The following ARHGAP29 variants were observed in gnomAD, a reference collection of about 807,000 sequenced individuals.
ARHGAP29 encodes Rho GTPase activating protein 29.
In ARHGAP29, 43 loss-of-function variants were observed where a neutral mutation model predicts 122.6. The observed-to-expected ratio is 0.35, with a 90% CI of 0.27 to 0.45. The LOEUF (loss-of-function observed/expected upper bound fraction) is 0.45, where lower values mean the gene tolerates loss of function less well. Among genes scored for constraint, ARHGAP29 ranks in the 20% least tolerant of loss-of-function variants. The pLI is 1.00. For synonymous variants in ARHGAP29, 506 were observed against 497.1 expected, an observed-to-expected ratio of 1.02 and a Z score of -0.24; for missense variants, 1,303 against 1,477.2, an observed-to-expected ratio of 0.88 and a Z score of 1.93.
chr1:94,196,271 T>C (rs1570517794), intron 12 of ARHGAP29, among the ~76,000 whole-genome samples: 1 of 141,532 alleles, frequency 7.1e-6, no homozygotes, highest in African/African-American at 2.6e-5. Context: ...TTTTTTTTTT[T>C]TTTTTTTTGA....
chr1:94,232,897 G>A (rs1368706597), intron 1 of ARHGAP29, among the ~76,000 whole-genome samples: 1 of 151,052 alleles, frequency 6.6e-6, no homozygotes, highest in Non-Finnish European at 1.5e-5. Flanking sequence ...AGATGACTAA[G>A]GACTTCTATA....
chr1:94,312,308 T>G, the ARHGAP29 span, among the ~76,000 whole-genome samples: 1 of 152,106 alleles, frequency 6.6e-6, no homozygotes, highest in East Asian at 1.9e-4. Context: ...CCTATTAGCA[T>G]TGTACAAATC....
At chr1:94,176,474 G>C (rs1240013555) in intron 22 of ARHGAP29, 1 of 152,168 alleles carries the variant, frequency 6.6e-6, no homozygotes, top group Non-Finnish European at 1.5e-5. Context: ...TCTTTCAGAC[G>C]GTTAGTTATG....
chr1:94,270,472 G>A (rs975612173), intron 1 of ARHGAP29, among the ~76,000 whole-genome samples: 17 of 152,158 alleles, frequency 1.1e-4, no homozygotes, highest in South Asian at 2.1e-4. Flanking sequence ...TTATTTTGGC[G>A]CTGCCATATC....
At position 94,231,559 on chromosome 1, in the gene ARHGAP29, C is replaced by T. The variant is rs1012276764; in HGVS notation, c.53G>A (p.Gly18Asp). 6.2e-7 allele frequency: 1 copy of T among 1,613,584 alleles called. No homozygotes were observed. Among genetic ancestry groups the T allele is most frequent in the Non-Finnish European group, 8.5e-7 (1 of 1,179,736 alleles). ...KTKKKRAWAS[G>D]QLSTDITTSE... is the part of the protein sequence containing the mutation. ...AGTTGTAATATCAGTAGAGAGTTGACCTGATGCCCAAGCACGTTTTTTCTT... is the reference window on the plus strand; with the variant it reads ...AGTTGTAATATCAGTAGAGAGTTGATCTGATGCCCAAGCACGTTTTTTCTT... The change falls in exon 2 of 23, where the codon GGT becomes GAT. Residue 18 changes from glycine (G) to aspartate (D), a missense_variant. Gly to Asp is a moderately conservative substitution (Grantham distance 94). Transcript: ENST00000260526.
At chr1:94,299,235 A>G in the ARHGAP29 span, among the ~76,000 whole-genome samples, 3 of 152,208 alleles carry the variant, frequency 2.0e-5, no homozygotes, top group Non-Finnish European at 4.4e-5. Flanking sequence ...CTTTCTATTT[A>G]TGGACTCTGG....
intron 2 of ARHGAP29, among the ~76,000 whole-genome samples, chr1:94,225,681 T>C (rs1044890373): frequency 1.3e-5 from 2 of 152,162 alleles, no homozygotes; most frequent in East Asian, 3.9e-4. Flanking sequence ...ATCTCTCAAG[T>C]TATAGTACTT....
chr1:94,264,633 G>A (rs913856362), intron 1 of ARHGAP29, among the ~76,000 whole-genome samples: 2 of 151,762 alleles, frequency 1.3e-5, no homozygotes, highest in East Asian at 1.9e-4. Flanking sequence ...GCATCATCTC[G>A]GCCTGCCTTA....
chr1:94,258,121 C>T (rs963249417), intron 1 of ARHGAP29, among the ~76,000 whole-genome samples: 4 of 152,204 alleles, frequency 2.6e-5, no homozygotes, highest in Admixed American at 2.0e-4. Context: ...GTATCCATTC[C>T]TACTTACCTC....
Position 94,170,341 on chromosome 1 carries a change from C to G in ARHGAP29, c.*3528G>C, listed in dbSNP as rs1469979896. The stretch of plus-strand genomic sequence containing the variant: ...CTATCCTAAACCTTATGGGTCTTAT[C>G]TAATGATAAACCAAAACTGAGGAAC... On this transcript the variant is annotated 3_prime_UTR_variant, in exon 23 of 23. Transcript: ENST00000260526. 5.3e-5 allele frequency among the ~76,000 whole-genome samples: 8 copies of G among 152,292 alleles called. No individual in the cohort carries two copies. The highest frequency in any genetic ancestry group is 7.2e-5 in the African/African-American group (3 of 41,562).
rs1336515767 is a variant in ARHGAP29, at chr1:94,176,129, G to C, written c.2906-1380C>G. 3.3e-5 allele frequency among the ~76,000 whole-genome samples: 5 copies of C among 152,164 alleles called. No homozygotes were observed. In the East Asian group the frequency reaches 7.7e-4, roughly 23 times the overall value. On this transcript the variant is annotated intron_variant, in intron 22 of 22. Coordinates refer to ENST00000260526, the MANE Select transcript of ARHGAP29 (RefSeq NM_004815.4). The stretch of plus-strand genomic sequence containing the variant: ...CTTAAATTTCTGAGGGAAAAACTTA[G>C]AGCATAATGGAGAAGAGCACAGACT...
rs1651143623 is a variant in ARHGAP29 at position 94,205,626 on chromosome 1, G to C, written c.559+9C>G. ...GTTTGTGAAAAGTTATAAACACCTTGAGCATTACCTTTTTCACTGGATGAG... is the reference window on the plus strand; with the variant it reads ...GTTTGTGAAAAGTTATAAACACCTTCAGCATTACCTTTTTCACTGGATGAG... On this transcript the variant is annotated intron_variant, in intron 6 of 22. Coordinates refer to ENST00000260526, the MANE Select transcript of ARHGAP29 (RefSeq NM_004815.4). 1 of 1,610,726 alleles carries C rather than the reference G, an allele frequency of 6.2e-7. No homozygotes were observed. The highest frequency in any genetic ancestry group is 1.7e-5 in the Admixed American group (1 of 59,630).
the ARHGAP29 span, among the ~76,000 whole-genome samples, chr1:94,291,117 A>T: frequency 6.6e-6 from 1 of 152,114 alleles, no homozygotes. Context: ...TTGGGTGCAT[A>T]TATATTTAGG....
At chr1:94,250,088 G>T (rs1370773724) in intron 1 of ARHGAP29, among the ~76,000 whole-genome samples, 1 of 152,034 alleles carries the variant, frequency 6.6e-6, no homozygotes, top group Non-Finnish European at 1.5e-5. Context: ...CATGTCTAAA[G>T]CAAAGCCTAT....
chr1:94,294,359 TGGAG>T, the ARHGAP29 span, among the ~76,000 whole-genome samples: 1 of 152,152 alleles, frequency 6.6e-6, no homozygotes, highest in Admixed American at 6.5e-5. Context: ...TTGCCCAGGC[TGGAG>T]TGCCATTGTG....
At position 94,202,713 on chromosome 1, in the gene ARHGAP29, A is replaced by G; in HGVS notation, c.974T>C (p.Leu325Pro). ...QNKMLEAENALKKAKLLCMQR... is the reference protein window; with the variant it reads ...QNKMLEAENAPKKAKLLCMQR... ...CATGCATAATAATTTTGCCTTTTTG[A>G]GAGCATTCTCTGCTTCAAGCTACAC... The change falls in exon 11 of 23, where the codon CTC becomes CCC. Residue 325 changes from leucine to proline, a missense_variant. Physicochemically the swap from Leu to Pro is moderately conservative, Grantham distance 98. Coordinates refer to ENST00000260526, the MANE Select transcript of ARHGAP29 (RefSeq NM_004815.4). 1 of 1,613,686 alleles carries G rather than the reference A, an allele frequency of 6.2e-7. No homozygotes were observed. Among genetic ancestry groups the G allele is most frequent in the South Asian group, 1.1e-5 (1 of 90,872 alleles).
intron 15 of ARHGAP29, among the ~76,000 whole-genome samples, chr1:94,187,959 T>G (rs2101420085): frequency 6.6e-6 from 1 of 152,242 alleles, no homozygotes; most frequent in East Asian, 1.9e-4. Context: ...TTTATCTAAA[T>G]GAGTACAACT....
rs1648728245 is a variant in ARHGAP29, at chr1:94,171,389, C to T, written c.*2480G>A. ...CATGGCTAGGGAAGTTATGATCAACCCTTCAGAAATGACTTCTTCTGAGTC... is the reference window on the plus strand; with the variant it reads ...CATGGCTAGGGAAGTTATGATCAACTCTTCAGAAATGACTTCTTCTGAGTC... On this transcript the variant is annotated 3_prime_UTR_variant, in exon 23 of 23. Coordinates refer to ENST00000260526, the MANE Select transcript of ARHGAP29 (RefSeq NM_004815.4). Among the ~76,000 whole-genome samples the T allele has an allele frequency of 6.6e-6, 1 of 152,138 alleles. No individual in the cohort carries two copies. The highest frequency in any genetic ancestry group is 1.5e-5 in the Non-Finnish European group (1 of 68,030).
In ARHGAP29 at chr1:94,205,051, G is replaced by T; in HGVS notation, c.697+10C>A. On this transcript the variant is annotated intron_variant, in intron 7 of 22. Coordinates refer to ENST00000260526, the MANE Select transcript of ARHGAP29 (RefSeq NM_004815.4). Reference sequence around the variant, plus strand: ...ATACTCTAAATCAGATGCTTTAAAAGGCAACTCACCCAAGTTAAGCTTTTT... The same window carrying T: ...ATACTCTAAATCAGATGCTTTAAAATGCAACTCACCCAAGTTAAGCTTTTT... 1 of 1,551,212 alleles carries T rather than the reference G, an allele frequency of 6.4e-7. No individual in the cohort carries two copies. Among genetic ancestry groups the T allele is most frequent in the Non-Finnish European group, 8.6e-7 (1 of 1,156,108 alleles).
Sources: gnomAD v4.1 joint callset for allele counts (sites outside exome capture counted in the v4.1 genomes callset) on GRCh38, gnomAD v4.1.1 for gene constraint, MANE v1.5 for transcripts, NCBI Gene and HGNC (gene_info 2026-07-23, HGNC 2026-07-21) for gene names.